Variants in IL9 observed in about 807,000 individuals in gnomAD.
The protein encoded by IL9 is interleukin-9.
Under a neutral mutation model 12.9 loss-of-function variants are expected in IL9, and 16 were observed. The ratio of observed to expected loss-of-function variants is 1.24; its 90% CI spans 0.84 to 1.88. The LOEUF is 1.88. Among genes scored for constraint, IL9 ranks in the 40% most tolerant of loss-of-function variants. The pLI, the probability that IL9 is intolerant of heterozygous loss-of-function variation, is 0.00. For missense variants in IL9, 170 were observed against 173.1 expected (o/e 0.98, Z 0.10); for synonymous variants, 69 against 63.8 (o/e 1.08, Z -0.39).
chr5:135,894,540 T>G (rs1762916739), intron 3 of IL9, among the ~76,000 whole-genome samples: 1 of 152,228 alleles, frequency 6.6e-6, no homozygotes, highest in South Asian at 2.1e-4. Flanking sequence ...AGCTGGTATT[T>G]CAGCAGCAGC....
intron 4 of IL9, among the ~76,000 whole-genome samples, chr5:135,893,676 G>T (rs1248367832): frequency 1.3e-5 from 2 of 152,158 alleles, no homozygotes; most frequent in Admixed American, 1.3e-4. Context: ...CATCCATTCA[G>T]TTAGTACATT....
At chr5:135,894,482 G>A (rs1208273861) in intron 3 of IL9, among the ~76,000 whole-genome samples, 1 of 152,192 alleles carries the variant, frequency 6.6e-6, no homozygotes, top group Non-Finnish European at 1.5e-5. Context: ...AGTGCAGAGT[G>A]AGGAAAAGCC....
intron 3 of IL9, among the ~76,000 whole-genome samples, chr5:135,894,603 C>A (rs2069877): frequency 9.1e-4 from 138 of 152,316 alleles, no homozygotes; most frequent in African/African-American, 3.2e-3. Context: ...CTGCCTGGTT[C>A]CTGCCCAGAA....
In IL9 at chr5:135,895,740, C is replaced by G. The variant is rs747339286; in HGVS notation, c.77G>C (p.Gly26Ala). 1.2e-6 allele frequency: 2 copies of G among 1,614,068 alleles called. No homozygotes were observed. The highest frequency in any genetic ancestry group is 3.3e-5 in the Admixed American group (2 of 60,028). ...GATGAGGAAGTTGATGTCCAGGATC[C>G]CCGCCAAGGTTGGACACCCCTGGCC... Reference protein sequence around the residue: ...VAGQGCPTLAGILDINFLINK... With the variant: ...VAGQGCPTLAAILDINFLINK... Residue 26 changes from glycine to alanine, a missense_variant, in exon 1 of 5, where the codon GGG (glycine) becomes GCG (alanine). Physicochemically the swap from Gly to Ala is moderately conservative, Grantham distance 60 (BLOSUM62 0). Coordinates refer to ENST00000274520, the MANE Select transcript of IL9 (RefSeq NM_000590.2).
rs1358669535 is a variant in IL9, at chr5:135,892,447, T to G, written c.379A>C (p.Ser127Arg). ...TCTTTCTGGAAAATTTCCAGAAGAC[T>G]CTTCAGAAATGTCAGCGCGTTGCCT... is the stretch of plus-strand genomic sequence containing the variant. ...TAGNALTFLK[S>R]LLEIFQKEKM... The change falls in exon 5 of 5, where the codon AGT becomes CGT. Residue 127 changes from serine (S) to arginine (R), a missense_variant. Transcript: ENST00000274520. 1.2e-6 allele frequency: 2 copies of G among 1,613,224 alleles called. No individual in the cohort carries two copies. The highest frequency in any genetic ancestry group is 1.7e-6 in the Non-Finnish European group (2 of 1,179,496).
At position 135,892,375 on chromosome 5, in the gene IL9, A is replaced by G; in HGVS notation, c.*16T>C. On this transcript the variant is annotated 3_prime_UTR_variant, in exon 5 of 5. Transcript: ENST00000274520. ...GCTTTTTAAATTTAATAAATAGGAT[A>G]AATAATATTTCATCTTCATATCTTG... 1 of 1,562,484 alleles carries G rather than the reference A, an allele frequency of 6.4e-7. No homozygotes were observed. The highest frequency in any genetic ancestry group is 8.7e-7 in the Non-Finnish European group (1 of 1,149,798).
At chr5:135,893,213 G>A (rs889351934) in intron 4 of IL9, among the ~76,000 whole-genome samples, 1 of 152,222 alleles carries the variant, frequency 6.6e-6, no homozygotes, top group Non-Finnish European at 1.5e-5. Context: ...ATCCCAGTCT[G>A]CTGTCAGGGA....
rs1293625458 is a variant in IL9 at position 135,892,598 on chromosome 5, T to TCGGTG, written c.316-93_316-89dup. The TCGGTG allele has an allele frequency of 5.4e-5, 78 of 1,448,604 alleles. No individual in the cohort carries two copies. The East Asian group carries it at 1.8e-3, about 33-fold the overall frequency. 89.7% of individuals were successfully genotyped at this position (1,448,604 alleles called of 1,614,324 possible). On this transcript the variant is annotated intron_variant, in intron 4 of 4. Transcript: ENST00000274520. ...GAAGCCTACCTGCCAAGAGCCAGAG[T>TCGGTG]CGGTGGTGAGGATTGTGGGGATGGG...
chr5:135,892,537 A>C, intron 4 of IL9, 27 bp from the exon 5 acceptor site: 1 of 1,596,376 alleles, frequency 6.3e-7, no homozygotes, highest in Non-Finnish European at 8.5e-7. Context: ...TGATAAGGAC[A>C]GAGTGACTCA....
chr5:135,895,729 T>C lies in IL9; in HGVS notation c.88A>G (p.Ile30Val), dbSNP rs1373777314. ...TGCATCTTGTTGATGAGGAAGTTGA[T>C]GTCCAGGATCCCCGCCAAGGTTGGA... ...GCPTLAGILDINFLINKMQED... is the reference protein window; with the variant it reads ...GCPTLAGILDVNFLINKMQED... The change falls in exon 1 of 5, where the codon ATC (isoleucine) becomes GTC (valine). Residue 30 changes from isoleucine (I) to valine (V), a missense_variant. Coordinates refer to ENST00000274520, the MANE Select transcript of IL9 (RefSeq NM_000590.2). 1.9e-6 allele frequency: 3 copies of C among 1,614,068 alleles called. No individual in the cohort carries two copies. Among genetic ancestry groups the C allele is most frequent in the Non-Finnish European group, 2.5e-6 (3 of 1,179,922 alleles).
rs201186684 is a variant in IL9 at position 135,892,412 on chromosome 5, T to G, written c.414A>C (p.Arg138Ser). 2.5e-6 allele frequency: 4 copies of G among 1,607,876 alleles called. No individual in the cohort carries two copies. The highest frequency in any genetic ancestry group is 2.6e-6 in the Non-Finnish European group (3 of 1,175,200). Residue 138 changes from arginine to serine, a missense_variant, in exon 5 of 5, where the codon AGA becomes AGC. Coordinates refer to ENST00000274520, the MANE Select transcript of IL9 (RefSeq NM_000590.2). ...ATCTTCATATCTTGCCTCTCATCCCTCTCATCTTTTCTTTCTGGAAAATTT... is the reference window on the plus strand; with the variant it reads ...ATCTTCATATCTTGCCTCTCATCCCGCTCATCTTTTCTTTCTGGAAAATTT... Reference protein sequence around the residue: ...LLEIFQKEKMRGMRGKI With the variant: ...LLEIFQKEKMSGMRGKI
rs900378298 is a variant in IL9, at chr5:135,892,275, TAAAC to T, written c.*112_*115del. On this transcript the variant is annotated 3_prime_UTR_variant, in exon 5 of 5. Transcript: ENST00000274520. ...ATTTCAAAATAAAGACATACAATGT[TAAAC>T]AAATAATCACAACTGATACTGATTT... The T allele has an allele frequency of 9.2e-6, 7 of 763,028 alleles. No homozygotes were observed. The highest frequency in any genetic ancestry group is 5.3e-5 in the African/African-American group (3 of 56,472). The allele number at this position is 763,028 out of a possible 1,614,324, so 47.3% of individuals were successfully genotyped here. A position where few individuals can be genotyped will look rare whatever the true frequency, so the allele number is the denominator to read the frequency against.
In IL9 at chr5:135,892,341, A is replaced by C. The variant is rs758437814; in HGVS notation, c.*50T>G. On this transcript the variant is annotated 3_prime_UTR_variant, in exon 5 of 5. Coordinates refer to ENST00000274520, the MANE Select transcript of IL9 (RefSeq NM_000590.2). ...CTTGATTTTTAAATTGTAGCAACTT[A>C]AAGAGAAAGCTTTTTAAATTTAATA... is the stretch of plus-strand genomic sequence containing the variant. 32 of 1,406,064 alleles carry C rather than the reference A, an allele frequency of 2.3e-5. No individual in the cohort carries two copies. The African/African-American group carries it at 3.8e-4, about 17-fold the overall frequency. The allele number at this position is 1,406,064 out of a possible 1,614,324, so 87.1% of individuals were successfully genotyped here.
intron 4 of IL9, among the ~76,000 whole-genome samples, chr5:135,893,109 A>T (rs1762897536): frequency 6.6e-6 from 1 of 152,232 alleles, no homozygotes; most frequent in Non-Finnish European, 1.5e-5. Flanking sequence ...CATGCAGCTA[A>T]ACAGCTGAGC....
rs2126854446 is a variant in IL9, at chr5:135,892,413, C to T, written c.413G>A (p.Arg138Lys). Residue 138 changes from arginine to lysine, a missense_variant, in exon 5 of 5, where the codon AGA becomes AAA. By Grantham distance (26) the Arg-to-Lys change is conservative. Coordinates refer to ENST00000274520, the MANE Select transcript of IL9 (RefSeq NM_000590.2). ...TCTTCATATCTTGCCTCTCATCCCT[C>T]TCATCTTTTCTTTCTGGAAAATTTC... ...LLEIFQKEKM[R>K]GMRGKI 6.2e-7 allele frequency: 1 copy of T among 1,608,240 alleles called. No individual in the cohort carries two copies. Among genetic ancestry groups the T allele is most frequent in the Non-Finnish European group, 8.5e-7 (1 of 1,175,642 alleles).
At chr5:135,892,887 T>C (rs1480714074) in intron 4 of IL9, among the ~76,000 whole-genome samples, 2 of 152,086 alleles carry the variant, frequency 1.3e-5, no homozygotes, top group Admixed American at 6.5e-5. Flanking sequence ...CCAAGGTCAT[T>C]TGACAGTACA....
chr5:135,892,346 G>T lies in IL9; in HGVS notation c.*45C>A. 1 of 1,433,870 alleles carries T rather than the reference G, an allele frequency of 7.0e-7. No individual in the cohort carries two copies. The highest frequency in any genetic ancestry group is 9.5e-7 in the Non-Finnish European group (1 of 1,054,330). 88.8% of individuals were successfully genotyped at this position (1,433,870 alleles called of 1,614,324 possible). On this transcript the variant is annotated 3_prime_UTR_variant, in exon 5 of 5. Coordinates refer to ENST00000274520, the MANE Select transcript of IL9 (RefSeq NM_000590.2). ...TTTTTAAATTGTAGCAACTTAAAGA[G>T]AAAGCTTTTTAAATTTAATAAATAG...
intron 3 of IL9, among the ~76,000 whole-genome samples, chr5:135,894,752 G>A (rs1156523105): frequency 6.6e-6 from 1 of 152,212 alleles, no homozygotes; most frequent in African/African-American, 2.4e-5. Flanking sequence ...CCTTGGAGAA[G>A]TGCCTCCTCC....
rs903315426 is a variant in IL9 at position 135,893,100 on chromosome 5, A to G, written c.316-590T>C. ...TAGATGCCATTGATGGTAGAAACGC[A>G]TGCAGCTAAACAGCTGAGCTCAGGG... On this transcript the variant is annotated intron_variant, in intron 4 of 4. Coordinates refer to ENST00000274520, the MANE Select transcript of IL9 (RefSeq NM_000590.2). 2.6e-5 allele frequency among the ~76,000 whole-genome samples: 4 copies of G among 152,360 alleles called. No homozygotes were observed. In the East Asian group the frequency reaches 7.7e-4, roughly 29 times the overall value.
Sources: gnomAD v4.1 joint callset for allele counts (sites outside exome capture counted in the v4.1 genomes callset) on GRCh38, gnomAD v4.1.1 for gene constraint, MANE v1.5 for transcripts, NCBI Gene and HGNC (gene_info 2026-07-23, HGNC 2026-07-21) for gene names.